PARD3B: variants seen among roughly 807,000 people sequenced by gnomAD.
PARD3B encodes the protein partitioning defective 3 homolog B.
Under a neutral mutation model 130.2 loss-of-function variants are expected in PARD3B, and 103 were observed. The ratio of observed to expected loss-of-function variants is 0.79; its 90% CI spans 0.67 to 0.93. PARD3B has a LOEUF of 0.93. Among genes scored for constraint, PARD3B ranks in the 40% least tolerant of loss-of-function variants. The probability of loss-of-function intolerance (pLI) is 0.00; values close to 1 mark genes in which losing one functional copy is unlikely to be tolerated. For synonymous variants in PARD3B, 583 were observed against 553.2 expected (o/e 1.05, Z -0.76); for missense variants, 1,609 against 1,499.2 (o/e 1.07, Z -1.21).
intron 19 of PARD3B, among the ~76,000 whole-genome samples, chr2:205,428,163 G>A (rs1229113326): frequency 6.6e-6 from 1 of 151,930 alleles, no homozygotes; most frequent in Non-Finnish European, 1.5e-5. Flanking sequence ...CAGGTTGATC[G>A]CTTGACCTCG....
chr2:205,079,406 GGT>G (rs1701269334), intron 4 of PARD3B, among the ~76,000 whole-genome samples: 3 of 152,132 alleles, frequency 2.0e-5, no homozygotes, highest in African/African-American at 4.8e-5. Flanking sequence ...TTTGGTGTCT[GGT>G]AAGGGATTCT....
At chr2:205,152,169 C>A (rs1040809120) in intron 10 of PARD3B, among the ~76,000 whole-genome samples, 2 of 152,154 alleles carry the variant, frequency 1.3e-5, no homozygotes, top group African/African-American at 4.8e-5. Flanking sequence ...GGTAACCTGA[C>A]CTTTCTCTGG....
chr2:204,829,176 T>C (rs1003775345), intron 2 of PARD3B, among the ~76,000 whole-genome samples: 1 of 152,238 alleles, frequency 6.6e-6, no homozygotes, highest in Non-Finnish European at 1.5e-5. Context: ...AGCAGCAATG[T>C]AAGGAATACT....
chr2:205,362,270 T>A (rs559235387), intron 18 of PARD3B, among the ~76,000 whole-genome samples: 10 of 152,354 alleles, frequency 6.6e-5, no homozygotes, highest in Non-Finnish European at 8.8e-5. Flanking sequence ...AGCAAAATAA[T>A]AGCCTGCTTT....
intron 1 of PARD3B, among the ~76,000 whole-genome samples, chr2:204,667,001 G>A (rs1350368047): frequency 6.6e-6 from 1 of 152,190 alleles, no homozygotes; most frequent in Non-Finnish European, 1.5e-5. Flanking sequence ...CTGAGAACTG[G>A]ACATATGCAT....
At chr2:205,204,529 C>T (rs919667918) in intron 15 of PARD3B, among the ~76,000 whole-genome samples, 4 of 152,148 alleles carry the variant, frequency 2.6e-5, no homozygotes, top group Admixed American at 6.6e-5. Flanking sequence ...TTGCCCATGC[C>T]TGTGAGCTGA....
chr2:205,481,154 G>A (rs1292678260), intron 20 of PARD3B, among the ~76,000 whole-genome samples: 2 of 152,202 alleles, frequency 1.3e-5, no homozygotes, highest in Non-Finnish European at 2.9e-5. Flanking sequence ...CAAGGCAGTG[G>A]ATGTTTTTAA....
At chr2:204,956,737 A>G (rs1017523223) in intron 2 of PARD3B, among the ~76,000 whole-genome samples, 1 of 152,150 alleles carries the variant, frequency 6.6e-6, no homozygotes, top group African/African-American at 2.4e-5. Context: ...CAAGTTTTTT[A>G]TTTCCACCTT....
chr2:205,372,066 G>A (rs563741010), intron 18 of PARD3B, among the ~76,000 whole-genome samples: 19 of 152,206 alleles, frequency 1.2e-4, no homozygotes, highest in African/African-American at 4.6e-4. Context: ...ATCAGTTGAT[G>A]GACATTTGGG....
intron 13 of PARD3B, among the ~76,000 whole-genome samples, chr2:205,177,923 G>A (rs964703825): frequency 2.0e-5 from 3 of 151,960 alleles, no homozygotes; most frequent in African/African-American, 7.3e-5. Context: ...CCTGTCCTCA[G>A]TTTGTCTTCC....
chr2:204,978,555 G>A (rs931823050), intron 3 of PARD3B, among the ~76,000 whole-genome samples: 2 of 152,124 alleles, frequency 1.3e-5, no homozygotes, highest in Admixed American at 6.5e-5. Flanking sequence ...TCCTGTTTTG[G>A]TGACTATAAT....
chr2:205,374,728 T>C (rs1229677179), intron 18 of PARD3B, among the ~76,000 whole-genome samples: 1 of 152,166 alleles, frequency 6.6e-6, no homozygotes, highest in East Asian at 1.9e-4. Flanking sequence ...AAAATTTAAT[T>C]AGTAGTCTTT....
rs558502424 is a variant in PARD3B at position 205,557,660 on chromosome 2, G to A, written c.3260+4257G>A. On this transcript the variant is annotated intron_variant, in intron 22 of 22. Transcript: ENST00000406610. Reference sequence around the variant, plus strand: ...ATATTAGAGCCTCGGTAATAGTGCCGGTATGAGTATTAAATACAATAATAC... The same window carrying A: ...ATATTAGAGCCTCGGTAATAGTGCCAGTATGAGTATTAAATACAATAATAC... Among the ~76,000 whole-genome samples, 39 of 152,244 alleles carry A rather than the reference G, an allele frequency of 2.6e-4. No individual in the cohort carries two copies. In the South Asian group the frequency reaches 7.7e-3, roughly 30 times the overall value.
intron 18 of PARD3B, among the ~76,000 whole-genome samples, chr2:205,390,724 TAA>T (rs112781376): frequency 6.8e-6 from 1 of 147,466 alleles, no homozygotes; most frequent in African/African-American, 2.5e-5. Context: ...AAGGTAATTA[TAA>T]AAAAAAAAAT....
At chr2:205,513,929 G>A (rs1325032765) in intron 21 of PARD3B, among the ~76,000 whole-genome samples, 1 of 152,088 alleles carries the variant, frequency 6.6e-6, no homozygotes, top group Non-Finnish European at 1.5e-5. Flanking sequence ...GTTTTCCCTT[G>A]TGTGTTCAGT....
At chr2:204,627,483 A>C (rs568911962) in intron 1 of PARD3B, among the ~76,000 whole-genome samples, 6 of 152,214 alleles carry the variant, frequency 3.9e-5, no homozygotes, top group African/African-American at 1.4e-4. Flanking sequence ...GTTATAGAAC[A>C]TTAGCATCAC....
chr2:204,767,030 G>C (rs1351272894), intron 2 of PARD3B, among the ~76,000 whole-genome samples: 1 of 95,364 alleles, frequency 1.0e-5, no homozygotes, highest in Admixed American at 1.2e-4. Context: ...CTAAGTTTTA[G>C]GGTACATGTG....
intron 2 of PARD3B, among the ~76,000 whole-genome samples, chr2:204,705,612 A>G (rs2125286324): frequency 6.6e-6 from 1 of 152,318 alleles, no homozygotes; most frequent in Middle Eastern, 3.4e-3. Context: ...AAATATATTA[A>G]CTTCTATTTA....
intron 2 of PARD3B, among the ~76,000 whole-genome samples, chr2:204,693,343 T>G (rs2037442682): frequency 6.6e-6 from 1 of 152,052 alleles, no homozygotes. Context: ...CAGCTGTTTT[T>G]GTGCCTCGTA....
Sources: allele counts gnomAD v4.1 joint callset (sites outside exome capture counted in the v4.1 genomes callset), GRCh38; gene constraint gnomAD v4.1.1; transcripts MANE v1.5; gene names NCBI Gene and HGNC (gene_info 2026-07-23, HGNC 2026-07-21).